Variants in DSCAM observed in about 807,000 individuals in gnomAD.
DSCAM encodes the protein cell adhesion molecule DSCAM.
Under a neutral mutation model 217.7 loss-of-function variants are expected in DSCAM, and 47 were observed. The ratio of observed to expected loss-of-function variants is 0.22; its 90% confidence interval spans 0.17 to 0.28. The LOEUF (loss-of-function observed/expected upper bound fraction) is 0.28, where lower values mean the gene tolerates loss of function less well. Ranked by LOEUF, DSCAM falls within the 10% of genes least tolerant of loss-of-function variation. The pLI is 1.00. For missense variants in DSCAM, 2,080 were observed against 2,618.3 expected, an observed-to-expected ratio of 0.79 and a Z score of 4.49; for synonymous variants, 1,056 against 1,015.3, an observed-to-expected ratio of 1.04 and a Z score of -0.76.
intron 3 of DSCAM, among the ~76,000 whole-genome samples, chr21:40,561,655 G>A (rs755638878): frequency 5.9e-5 from 9 of 152,070 alleles, no homozygotes; most frequent in African/African-American, 9.7e-5. Flanking sequence ...AAAATGAGAC[G>A]GTTTTCTTAT....
chr21:40,546,975 G>A (rs887804093), intron 3 of DSCAM, among the ~76,000 whole-genome samples: 3 of 152,068 alleles, frequency 2.0e-5, no homozygotes, highest in Non-Finnish European at 4.4e-5. Context: ...TTGGGGGCAA[G>A]GGGGCTGAGA....
At chr21:40,511,182 C>G (rs2076254496) in intron 3 of DSCAM, among the ~76,000 whole-genome samples, 1 of 152,124 alleles carries the variant, frequency 6.6e-6, no homozygotes, top group African/African-American at 2.4e-5. Flanking sequence ...AATGCTTTCA[C>G]ATTTTCTCAG....
intron 15 of DSCAM, among the ~76,000 whole-genome samples, chr21:40,172,877 G>T (rs2090674597): frequency 1.3e-5 from 2 of 152,250 alleles, no homozygotes; most frequent in African/African-American, 2.4e-5. Flanking sequence ...TTCTACAGGA[G>T]TTGGGTGGGT....
chr21:40,134,332 TA>T (rs1224737396), intron 18 of DSCAM, among the ~76,000 whole-genome samples: 2 of 152,182 alleles, frequency 1.3e-5, no homozygotes, highest in African/African-American at 4.8e-5. Context: ...CAGCAGGTGC[TA>T]ATGAGCAATG....
intron 21 of DSCAM, among the ~76,000 whole-genome samples, chr21:40,091,709 G>A (rs1421215433): frequency 6.6e-6 from 1 of 152,150 alleles, no homozygotes; most frequent in African/African-American, 2.4e-5. Flanking sequence ...GTGCCACATG[G>A]CTGGGGAGGC....
chr21:40,146,593 C>T (rs2090360203), intron 16 of DSCAM, among the ~76,000 whole-genome samples: 1 of 152,156 alleles, frequency 6.6e-6, no homozygotes, highest in South Asian at 2.1e-4. Flanking sequence ...TTTTTCACAG[C>T]AAGTTTCTCC....
At chr21:40,800,883 T>C (rs182644391) in intron 1 of DSCAM, among the ~76,000 whole-genome samples, 2 of 151,734 alleles carry the variant, frequency 1.3e-5, no homozygotes, top group African/African-American at 2.4e-5. Context: ...GCCCAACTAA[T>C]TTTTGTATTT....
chr21:40,249,205 T>C (rs116185402), intron 11 of DSCAM, among the ~76,000 whole-genome samples: 2,425 of 152,322 alleles, frequency 0.016, 73 homozygotes, highest in African/African-American at 0.056. Context: ...TTAGCTGATA[T>C]GGTTTGGCTC....
chr21:40,197,179 C>T (rs146483427), intron 11 of DSCAM, among the ~76,000 whole-genome samples: 9,030 of 151,888 alleles, frequency 0.059, 858 homozygotes, highest in African/African-American at 0.2. Context: ...AGTGCAGTGT[C>T]GCAATCTTGG....
At chr21:40,210,257 G>A (rs950581782) in intron 11 of DSCAM, among the ~76,000 whole-genome samples, 1 of 152,066 alleles carries the variant, frequency 6.6e-6, no homozygotes, top group Non-Finnish European at 1.5e-5. Flanking sequence ...AGCCCTCCCT[G>A]ACCTCACCCC....
intron 3 of DSCAM, among the ~76,000 whole-genome samples, chr21:40,521,172 G>A (rs1205297723): frequency 1.3e-5 from 2 of 152,160 alleles, no homozygotes; most frequent in African/African-American, 4.8e-5. Flanking sequence ...TGTCACAACT[G>A]GGAGTGAGAG....
At chr21:40,558,201 G>A (rs1220616989) in intron 3 of DSCAM, among the ~76,000 whole-genome samples, 1 of 152,042 alleles carries the variant, frequency 6.6e-6, no homozygotes, top group Non-Finnish European at 1.5e-5. Context: ...TCATTAAAAT[G>A]ATCTAGAGGC....
At chr21:40,123,121 G>T (rs1180493321) in intron 20 of DSCAM, among the ~76,000 whole-genome samples, 1 of 152,186 alleles carries the variant, frequency 6.6e-6, no homozygotes, top group African/African-American at 2.4e-5. Flanking sequence ...AAGTAGAATG[G>T]TGGGTGCCAT....
At chr21:40,372,963 A>T (rs927330045) in intron 3 of DSCAM, among the ~76,000 whole-genome samples, 31 of 152,080 alleles carry the variant, frequency 2.0e-4, no homozygotes, top group Non-Finnish European at 3.4e-4. Flanking sequence ...CTATGTAGGG[A>T]CACAAAACTA....
intron 21 of DSCAM, among the ~76,000 whole-genome samples, chr21:40,087,702 C>T (rs749772175): frequency 3.5e-4 from 53 of 152,312 alleles, no homozygotes; most frequent in Admixed American, 5.2e-4. Flanking sequence ...GCCCCAAAGA[C>T]GGGAAGGAGT....
chr21:40,395,640 C>T (rs1277451702), intron 3 of DSCAM, among the ~76,000 whole-genome samples: 2 of 151,472 alleles, frequency 1.3e-5, no homozygotes, highest in Non-Finnish European at 2.9e-5. Flanking sequence ...TGAGACCTTG[C>T]TATTGGTTTT....
At chr21:40,487,193 G>C (rs1365902040) in intron 3 of DSCAM, among the ~76,000 whole-genome samples, 2 of 151,860 alleles carry the variant, frequency 1.3e-5, no homozygotes, top group African/African-American at 4.8e-5. Flanking sequence ...AATAATCTCA[G>C]GGTGAGAAAG....
At chr21:40,129,148 A>T (rs958364749) in intron 19 of DSCAM, among the ~76,000 whole-genome samples, 1 of 152,072 alleles carries the variant, frequency 6.6e-6, no homozygotes, top group African/African-American at 2.4e-5. Flanking sequence ...ATGCACAAAC[A>T]TGCATGTACA....
At chr21:40,443,885 A>G (rs2075653029) in intron 3 of DSCAM, among the ~76,000 whole-genome samples, 1 of 152,224 alleles carries the variant, frequency 6.6e-6, no homozygotes, top group Admixed American at 6.5e-5. Context: ...TCCACTTTAC[A>G]AAGTTGACAA....
Sources: allele counts gnomAD v4.1 joint callset (sites outside exome capture counted in the v4.1 genomes callset), GRCh38; gene constraint gnomAD v4.1.1; transcripts MANE v1.5; gene names NCBI Gene and HGNC (gene_info 2026-07-23, HGNC 2026-07-21).